GPC3: variants seen among roughly 807,000 people sequenced by gnomAD.
GPC3 encodes the protein glypican 3.
In GPC3, 3 loss-of-function variants were observed where a neutral mutation model predicts 34.4. That is an observed-to-expected ratio of 0.09 (90% CI 0.04 to 0.23). The LOEUF is 0.23. Ranked by LOEUF, GPC3 falls within the 10% of genes least tolerant of loss-of-function variation. The pLI, the probability that GPC3 is intolerant of heterozygous loss-of-function variation, is 1.00. For synonymous variants in GPC3, 177 were observed against 174.0 expected (o/e 1.02, Z -0.13); for missense variants, 351 against 445.6 (o/e 0.79, Z 1.91).
chrX:133,936,076 CTTA>C (rs748512382), intron 2 of GPC3, among the ~76,000 whole-genome samples: 2 of 108,087 alleles, frequency 1.9e-5, no homozygotes, highest in Non-Finnish European at 3.8e-5. Context: ...CTGTGCTCAG[CTTA>C]TTATTATTAT....
chrX:133,612,025 A>G (rs972152873), intron 6 of GPC3, among the ~76,000 whole-genome samples: 1 of 112,301 alleles, frequency 8.9e-6, no homozygotes, highest in African/African-American at 3.2e-5. Flanking sequence ...AGGCACTCAC[A>G]CTTAAGCTGA....
chrX:133,645,537 G>GA (rs975532711), intron 6 of GPC3, among the ~76,000 whole-genome samples: 2 of 110,621 alleles, frequency 1.8e-5, no homozygotes, highest in Middle Eastern at 4.7e-3. Context: ...CTTTCGCTTT[G>GA]AAAAAAAATA....
chrX:133,738,451 G>A (rs909739858), intron 3 of GPC3, among the ~76,000 whole-genome samples: 4 of 112,043 alleles, frequency 3.6e-5, no homozygotes, highest in Non-Finnish European at 7.5e-5. Context: ...GAACAGACAA[G>A]TAAATTTAAG....
chrX:133,936,266 G>A (rs1216680064), intron 2 of GPC3, among the ~76,000 whole-genome samples: 1 of 108,073 alleles, frequency 9.3e-6, no homozygotes, highest in African/African-American at 3.4e-5. Context: ...GAAAATGCTG[G>A]GATTACAGGA....
intron 2 of GPC3, among the ~76,000 whole-genome samples, chrX:133,774,923 T>C (rs1237012975): frequency 4.5e-5 from 5 of 111,405 alleles, no homozygotes; most frequent in Non-Finnish European, 7.5e-5. Context: ...AGGGCACTGA[T>C]CAGTGTTACT....
At chrX:133,944,400 A>G (rs900647729) in intron 2 of GPC3, among the ~76,000 whole-genome samples, 2 of 112,271 alleles carry the variant, frequency 1.8e-5, no homozygotes, top group Non-Finnish European at 3.8e-5. Flanking sequence ...TGTCATAAGC[A>G]TTCCAATTTC....
intron 2 of GPC3, among the ~76,000 whole-genome samples, chrX:133,806,216 AT>A (rs1216516286): frequency 8.9e-6 from 1 of 112,535 alleles, no homozygotes; most frequent in Non-Finnish European, 1.9e-5. Context: ...ACCAAGACCC[AT>A]AATAATGTTA....
intron 4 of GPC3, among the ~76,000 whole-genome samples, chrX:133,698,961 C>T (rs752509618): frequency 8.9e-6 from 1 of 112,101 alleles, no homozygotes; most frequent in African/African-American, 3.2e-5. Flanking sequence ...TCTAATGCTT[C>T]AGTTTCAAAA....
chrX:133,543,832 T>A (rs2069361257), intron 7 of GPC3, among the ~76,000 whole-genome samples: 1 of 112,309 alleles, frequency 8.9e-6, no homozygotes, highest in Non-Finnish European at 1.9e-5. Context: ...ACTGAAGTCA[T>A]CAGACATTTC....
intron 2 of GPC3, among the ~76,000 whole-genome samples, chrX:133,887,357 G>A (rs1019081042): frequency 1.8e-5 from 2 of 112,128 alleles, no homozygotes; most frequent in Admixed American, 9.5e-5. Flanking sequence ...TTTGATAACA[G>A]CCATTCTGAC....
Position 133,727,550 on chromosome X carries a change from C to CAAAA in GPC3, c.1032+25928_1032+25931dup, listed in dbSNP as rs370410324. 2.6e-3 allele frequency among the ~76,000 whole-genome samples: 256 copies of CAAAA among 99,469 alleles called. 1 individual carries two copies. The highest frequency in any genetic ancestry group is 8.9e-3 in the African/African-American group (243 of 27,285). The allele number at this position is 99,469 out of a possible 115,157, so 86.4% of individuals were successfully genotyped here. A position where few individuals can be genotyped will look rare whatever the true frequency, so the allele number is the denominator to read the frequency against. On this transcript the variant is annotated intron_variant, in intron 3 of 7. Coordinates refer to ENST00000370818, the MANE Select transcript of GPC3 (RefSeq NM_004484.4). The stretch of plus-strand genomic sequence containing the variant: ...GGGCAAAAAGAACGAAACACTGTCT[C>CAAAA]AAAAAAAAAAAAGTGATATGTGGCA...
intron 1 of GPC3, among the ~76,000 whole-genome samples, chrX:133,958,886 G>GAACAA (rs1185167379): frequency 3.3e-5 from 2 of 60,638 alleles, no homozygotes; most frequent in East Asian, 1.0e-3. Context: ...ACTTCGTCTC[G>GAACAA]AAAAAAAAAA....
At chrX:133,985,188 G>C in intron 1 of GPC3, 87 bp downstream of exon 1, 11 of 1,033,011 alleles carry the variant, frequency 1.1e-5, no homozygotes, top group Non-Finnish European at 1.5e-5. Flanking sequence ...ACTACAGCCC[G>C]GCGGGGCTAG....
intron 5 of GPC3, among the ~76,000 whole-genome samples, chrX:133,667,964 C>G (rs1337009654): frequency 9.3e-6 from 1 of 107,715 alleles, no homozygotes; most frequent in Non-Finnish European, 1.9e-5. Flanking sequence ...TGCAATGGTG[C>G]GATCTCGGCT....
At chrX:133,981,690 T>A (rs1030459142) in intron 1 of GPC3, among the ~76,000 whole-genome samples, 4 of 112,291 alleles carry the variant, frequency 3.6e-5, no homozygotes, top group African/African-American at 1.3e-4. Flanking sequence ...TCAAACTAAT[T>A]GGGGAACCGC....
intron 5 of GPC3, among the ~76,000 whole-genome samples, chrX:133,671,932 T>G (rs1049538314): frequency 3.6e-5 from 4 of 111,860 alleles, no homozygotes; most frequent in African/African-American, 1.3e-4. Flanking sequence ...TATTTCTATA[T>G]TTCCGTTAGT....
At chrX:133,569,882 T>C (rs1172599519) in intron 7 of GPC3, among the ~76,000 whole-genome samples, 3 of 106,783 alleles carry the variant, frequency 2.8e-5, no homozygotes, top group East Asian at 2.8e-4. Flanking sequence ...TACATCTATA[T>C]AGAAAAAGAA....
At chrX:133,939,597 T>C (rs2076336324) in intron 2 of GPC3, among the ~76,000 whole-genome samples, 1 of 111,831 alleles carries the variant, frequency 8.9e-6, no homozygotes, top group Admixed American at 9.5e-5. Flanking sequence ...ATAGCAAATT[T>C]ATTTCAGTTC....
chrX:133,891,758 C>T (rs1346887317), intron 2 of GPC3, among the ~76,000 whole-genome samples: 1 of 100,995 alleles, frequency 9.9e-6, no homozygotes, highest in African/African-American at 3.7e-5. Flanking sequence ...GTGATCATGC[C>T]ACGACACTCC....
Sources: gnomAD v4.1 joint callset for allele counts (sites outside exome capture counted in the v4.1 genomes callset) on GRCh38, gnomAD v4.1.1 for gene constraint, MANE v1.5 for transcripts, NCBI Gene and HGNC (gene_info 2026-07-23, HGNC 2026-07-21) for gene names.